The following HHAT variants were observed in gnomAD, a reference collection of about 807,000 sequenced individuals.
HHAT encodes hedgehog acyltransferase, also known as protein-cysteine N-palmitoyltransferase HHAT.
HHAT carries 47 observed loss-of-function variants against 70.8 expected under a neutral mutation model. That is an observed-to-expected ratio of 0.66 (90% CI 0.53 to 0.85). HHAT has a LOEUF of 0.85. Among genes scored for constraint, HHAT ranks in the 40% least tolerant of loss-of-function variants. The pLI, the probability that HHAT is intolerant of heterozygous loss-of-function variation, is 0.00. For missense variants in HHAT, 609 were observed against 604.8 expected, an observed-to-expected ratio of 1.01 and a Z score of -0.07; for synonymous variants, 228 against 247.6, an observed-to-expected ratio of 0.92 and a Z score of 0.74.
At chr1:210,595,536 G>A (rs1223257307) in intron 10 of HHAT, among the ~76,000 whole-genome samples, 7 of 152,146 alleles carry the variant, frequency 4.6e-5, no homozygotes, top group South Asian at 2.1e-4. Context: ...CTGAGGAGTC[G>A]CCACACTGAC....
intron 7 of HHAT, among the ~76,000 whole-genome samples, chr1:210,443,420 G>A (rs942886515): frequency 0.012 from 1,855 of 148,628 alleles, 32 homozygotes; most frequent in African/African-American, 0.042. Flanking sequence ...CATTGAATCT[G>A]TAAATTACCT....
chr1:210,472,385 C>T (rs1177549420), intron 8 of HHAT, among the ~76,000 whole-genome samples: 2 of 152,162 alleles, frequency 1.3e-5, no homozygotes, highest in African/African-American at 2.4e-5. Flanking sequence ...GGTGGAGCTG[C>T]GATTTGAATC....
chr1:210,593,896 C>T (rs544081973), intron 10 of HHAT, among the ~76,000 whole-genome samples: 9 of 152,008 alleles, frequency 5.9e-5, no homozygotes, highest in African/African-American at 2.2e-4. Flanking sequence ...TGAATTGATC[C>T]CTTTATCATT....
At chr1:210,590,041 T>A (rs747063531) in intron 10 of HHAT, 4 of 152,218 alleles carry the variant, frequency 2.6e-5, no homozygotes, top group Non-Finnish European at 4.4e-5. Context: ...GACGATGGAC[T>A]CCTTGAGTAC....
intron 6 of HHAT, among the ~76,000 whole-genome samples, chr1:210,416,678 G>A (rs76661224): frequency 0.045 from 6,921 of 152,252 alleles, 233 homozygotes; most frequent in Non-Finnish European, 0.07. Flanking sequence ...GCTTCTATCT[G>A]TATCTATGAA....
chr1:210,423,090 T>G (rs527670214), intron 7 of HHAT, among the ~76,000 whole-genome samples: 5 of 152,372 alleles, frequency 3.3e-5, no homozygotes, highest in African/African-American at 1.2e-4. Context: ...TTCACAGTAC[T>G]GGGATTGCTG....
intron 7 of HHAT, among the ~76,000 whole-genome samples, chr1:210,422,836 C>A (rs935673326): frequency 6.6e-6 from 1 of 152,080 alleles, no homozygotes; most frequent in African/African-American, 2.4e-5. Flanking sequence ...GGGGTTTCAC[C>A]ACGTTGGCCA....
chr1:210,499,374 C>A (rs891104739), intron 8 of HHAT, among the ~76,000 whole-genome samples: 1 of 152,154 alleles, frequency 6.6e-6, no homozygotes, highest in Non-Finnish European at 1.5e-5. Context: ...TCATGGCTCA[C>A]GCCTGTAATC....
intron 3 of HHAT, among the ~76,000 whole-genome samples, chr1:210,363,888 G>A (rs2088624097): frequency 6.6e-6 from 1 of 152,192 alleles, no homozygotes; most frequent in African/African-American, 2.4e-5. Flanking sequence ...TGAACACTCT[G>A]CTTGCAAATG....
intron 8 of HHAT, among the ~76,000 whole-genome samples, chr1:210,494,644 C>T (rs2094606009): frequency 6.8e-6 from 1 of 147,724 alleles, no homozygotes; most frequent in Non-Finnish European, 1.5e-5. Flanking sequence ...CTCTGCCTCC[C>T]AGGTTCAAGT....
At chr1:210,490,763 T>A (rs1281852049) in intron 8 of HHAT, among the ~76,000 whole-genome samples, 1 of 152,186 alleles carries the variant, frequency 6.6e-6, no homozygotes, top group East Asian at 1.9e-4. Context: ...TCTTACTTTT[T>A]GTCAAATGTA....
At chr1:210,596,239 T>C (rs1231933883) in intron 10 of HHAT, among the ~76,000 whole-genome samples, 1 of 152,190 alleles carries the variant, frequency 6.6e-6, no homozygotes, top group Non-Finnish European at 1.5e-5. Context: ...CGTTTCCCCA[T>C]TTCTTGTTCA....
chr1:210,397,403 T>G (rs4845012), intron 4 of HHAT, among the ~76,000 whole-genome samples: 25,062 of 152,188 alleles, frequency 0.16, 2,578 homozygotes, highest in Admixed American at 0.26. Context: ...TTTTGGTGTT[T>G]AGGTGGGTTT....
intron 8 of HHAT, among the ~76,000 whole-genome samples, chr1:210,493,137 T>A (rs1233368473): frequency 6.6e-6 from 1 of 152,008 alleles, no homozygotes; most frequent in Non-Finnish European, 1.5e-5. Flanking sequence ...TTTGCAACTT[T>A]TAGTCATCCA....
intron 3 of HHAT, among the ~76,000 whole-genome samples, chr1:210,383,777 G>T (rs1558404560): frequency 6.6e-6 from 1 of 152,044 alleles, no homozygotes; most frequent in Non-Finnish European, 1.5e-5. Context: ...CTCTCTAAAA[G>T]ATAAGGTCTG....
intron 7 of HHAT, among the ~76,000 whole-genome samples, chr1:210,431,418 A>G (rs1328828906): frequency 6.6e-6 from 1 of 151,690 alleles, no homozygotes; most frequent in East Asian, 1.9e-4. Context: ...TGCTTTATAT[A>G]TATATTTTTG....
intron 11 of HHAT, among the ~76,000 whole-genome samples, chr1:210,663,842 A>T (rs1443569154): frequency 6.6e-6 from 1 of 152,212 alleles, no homozygotes; most frequent in Non-Finnish European, 1.5e-5. Flanking sequence ...GGTGATTCTG[A>T]TGCAGACTTG....
At chr1:210,414,872 G>A (rs930771813) in intron 6 of HHAT, among the ~76,000 whole-genome samples, 4 of 152,090 alleles carry the variant, frequency 2.6e-5, no homozygotes, top group African/African-American at 9.7e-5. Context: ...ACAAAAAATA[G>A]CCAGGTGTGG....
At chr1:210,490,161 G>A (rs2094530344) in intron 8 of HHAT, among the ~76,000 whole-genome samples, 1 of 152,226 alleles carries the variant, frequency 6.6e-6, no homozygotes, top group Non-Finnish European at 1.5e-5. Context: ...CCTGATGTCT[G>A]ATGAAGTGGT....
Sources: gnomAD v4.1 joint callset for allele counts (sites outside exome capture counted in the v4.1 genomes callset) on GRCh38, gnomAD v4.1.1 for gene constraint, MANE v1.5 for transcripts, NCBI Gene and HGNC (gene_info 2026-07-23, HGNC 2026-07-21) for gene names.